CSGALNACT1: variants seen among roughly 807,000 people sequenced by gnomAD.
CSGALNACT1 encodes the protein chondroitin sulfate N-acetylgalactosaminyltransferase 1.
Under a neutral mutation model 51.0 loss-of-function variants are expected in CSGALNACT1, and 52 were observed. That is an observed-to-expected ratio of 1.02 (90% CI 0.82 to 1.29). The LOEUF is 1.29. Among genes scored for constraint, CSGALNACT1 ranks in the 50% most tolerant of loss-of-function variants. The pLI is 0.00. For synonymous variants in CSGALNACT1, 341 were observed against 254.4 expected (o/e 1.34, Z -3.24); for missense variants, 935 against 679.2 (o/e 1.38, Z -4.19).
At chr8:19,652,880 G>C (rs4922075) in intron 1 of CSGALNACT1, among the ~76,000 whole-genome samples, 135,611 of 152,188 alleles carry the variant, frequency 0.89, 60,575 homozygotes, top group East Asian at 1. Flanking sequence ...TACCAGATGA[G>C]CCCAGCTTCT....
At chr8:19,441,354 G>C (rs1254678798) in intron 5 of CSGALNACT1, among the ~76,000 whole-genome samples, 11 of 152,144 alleles carry the variant, frequency 7.2e-5, no homozygotes, top group East Asian at 1.9e-4. Context: ...CAGCATGGTA[G>C]TGGTACCAAA....
intron 3 of CSGALNACT1, among the ~76,000 whole-genome samples, chr8:19,575,634 T>C (rs1425802405): frequency 6.6e-6 from 1 of 152,234 alleles, no homozygotes; most frequent in African/African-American, 2.4e-5. Context: ...CACTGGGTAT[T>C]CTAGGATACT....
intron 3 of CSGALNACT1, among the ~76,000 whole-genome samples, chr8:19,525,420 A>G (rs2081465045): frequency 6.6e-6 from 1 of 151,640 alleles, no homozygotes; most frequent in African/African-American, 2.4e-5. Context: ...CCTGGCTAAC[A>G]TGGTGAAGCC....
intron 4 of CSGALNACT1, among the ~76,000 whole-genome samples, chr8:19,463,780 G>T (rs1425027442): frequency 6.6e-6 from 1 of 152,108 alleles, no homozygotes; most frequent in African/African-American, 2.4e-5. Context: ...CTTTGAGTTT[G>T]GTGTAATTAC....
intron 3 of CSGALNACT1, among the ~76,000 whole-genome samples, chr8:19,552,516 T>C (rs373224088): frequency 6.6e-6 from 1 of 152,116 alleles, no homozygotes; most frequent in Non-Finnish European, 1.5e-5. Flanking sequence ...AATAGAAACA[T>C]CCTTCTATGG....
At chr8:19,623,841 A>T (rs1287160147) in intron 1 of CSGALNACT1, among the ~76,000 whole-genome samples, 3 of 152,252 alleles carry the variant, frequency 2.0e-5, no homozygotes, top group Non-Finnish European at 4.4e-5. Flanking sequence ...TGGGGAAATA[A>T]TGGTCCCTCT....
intron 3 of CSGALNACT1, among the ~76,000 whole-genome samples, chr8:19,530,998 T>C (rs1563923618): frequency 6.6e-6 from 1 of 152,214 alleles, no homozygotes; most frequent in African/African-American, 2.4e-5. Flanking sequence ...TCAGCTGATC[T>C]TCAAGCCTGA....
At chr8:19,650,883 T>C (rs1354089412) in intron 1 of CSGALNACT1, among the ~76,000 whole-genome samples, 1 of 151,994 alleles carries the variant, frequency 6.6e-6, no homozygotes, top group Non-Finnish European at 1.5e-5. Context: ...AGGTGAAGAG[T>C]CACGAGTTGC....
intron 4 of CSGALNACT1, among the ~76,000 whole-genome samples, chr8:19,491,777 T>C (rs1375325340): frequency 1.3e-5 from 2 of 152,258 alleles, no homozygotes; most frequent in East Asian, 1.9e-4. Flanking sequence ...TGTGTTTCGA[T>C]GTTGTGCAGT....
chr8:19,656,532 AAC>A (rs1418165702), intron 1 of CSGALNACT1, among the ~76,000 whole-genome samples: 7 of 151,940 alleles, frequency 4.6e-5, no homozygotes, highest in African/African-American at 1.5e-4. Flanking sequence ...TTACACTTAA[AAC>A]ACACACGTGT....
chr8:19,743,192 C>T (rs7832074), intron 1 of CSGALNACT1, among the ~76,000 whole-genome samples: 35,681 of 152,140 alleles, frequency 0.23, 4,648 homozygotes, highest in African/African-American at 0.35. Context: ...CCAACATGAG[C>T]TGCTGGAACC....
chr8:19,721,206 T>C (rs541461340), intron 1 of CSGALNACT1, among the ~76,000 whole-genome samples: 84 of 152,286 alleles, frequency 5.5e-4, no homozygotes, highest in African/African-American at 1.9e-3. Context: ...CCTAGTCCTG[T>C]CACCACCATT....
At chr8:19,499,330 C>G (rs1029731753) in intron 4 of CSGALNACT1, among the ~76,000 whole-genome samples, 1 of 152,036 alleles carries the variant, frequency 6.6e-6, no homozygotes, top group Admixed American at 6.6e-5. Flanking sequence ...ACCACCAGAC[C>G]GCAAAATTCT....
chr8:19,465,209 G>A (rs745525522), intron 4 of CSGALNACT1, among the ~76,000 whole-genome samples: 5 of 152,152 alleles, frequency 3.3e-5, no homozygotes, highest in African/African-American at 7.2e-5. Flanking sequence ...TGGATGAATC[G>A]TGCAGACATT....
At chr8:19,435,655 C>T (rs567907306) in intron 6 of CSGALNACT1, among the ~76,000 whole-genome samples, 39 of 152,244 alleles carry the variant, frequency 2.6e-4, no homozygotes, top group Middle Eastern at 3.4e-3. Flanking sequence ...GATTTCTGGG[C>T]CTGGGTCCCA....
intron 4 of CSGALNACT1, chr8:19,495,075 T>G (rs1050104441): frequency 6.6e-6 from 1 of 152,186 alleles, no homozygotes; most frequent in Admixed American, 6.5e-5. Context: ...TCCACGGATG[T>G]TGACTTCTGA....
chr8:19,663,840 C>T (rs548429311), intron 1 of CSGALNACT1, among the ~76,000 whole-genome samples: 1 of 152,344 alleles, frequency 6.6e-6, no homozygotes, highest in East Asian at 1.9e-4. Context: ...CTCCTCCATC[C>T]CACAATTCTC....
chr8:19,492,033 T>C (rs1004105892), intron 4 of CSGALNACT1, among the ~76,000 whole-genome samples: 1 of 152,208 alleles, frequency 6.6e-6, no homozygotes, highest in South Asian at 2.1e-4. Flanking sequence ...AACATATTCA[T>C]AACTTAAGTA....
chr8:19,743,101 C>T (rs1367142506), intron 1 of CSGALNACT1, among the ~76,000 whole-genome samples: 2 of 152,174 alleles, frequency 1.3e-5, no homozygotes, highest in Admixed American at 1.3e-4. Context: ...GATACACACA[C>T]GCTGATTTCC....
Sources: allele counts gnomAD v4.1 joint callset (sites outside exome capture counted in the v4.1 genomes callset), GRCh38; gene constraint gnomAD v4.1.1; transcripts MANE v1.5; gene names NCBI Gene and HGNC (gene_info 2026-07-23, HGNC 2026-07-21).